Variants in SCN9A observed in about 807,000 individuals in gnomAD.
SCN9A encodes the protein sodium channel protein type 9 subunit alpha.
In SCN9A, 131 loss-of-function variants were observed where a neutral mutation model predicts 187.0. The observed-to-expected ratio is 0.70, with a 90% confidence interval of 0.61 to 0.81. The LOEUF (loss-of-function observed/expected upper bound fraction) is 0.81. Among genes scored for constraint, SCN9A ranks in the 30% least tolerant of loss-of-function variants. The pLI, the probability that SCN9A is intolerant of heterozygous loss-of-function variation, is 0.00. For synonymous variants in SCN9A, 809 were observed against 808.6 expected, an observed-to-expected ratio of 1.00 and a Z score of -0.01; for missense variants, 2,252 against 2,396.6, an observed-to-expected ratio of 0.94 and a Z score of 1.26.
chr2:166,322,748 G>A (rs760244093), intron 1 of SCN9A, among the ~76,000 whole-genome samples: 2 of 152,144 alleles, frequency 1.3e-5, no homozygotes, highest in Non-Finnish European at 2.9e-5. Context: ...TTTCATATGA[G>A]CATGTAATAT....
At chr2:166,276,394 A>G (rs1697237377) in intron 16 of SCN9A, 1 of 152,194 alleles carries the variant, frequency 6.6e-6, no homozygotes, top group Non-Finnish European at 1.5e-5. Flanking sequence ...CCTATGTTTG[A>G]ATAAAGTTTA....
intron 17 of SCN9A, among the ~76,000 whole-genome samples, chr2:166,271,525 C>A (rs1164998550): frequency 1.3e-5 from 2 of 151,850 alleles, no homozygotes; most frequent in Non-Finnish European, 2.9e-5. Flanking sequence ...CTGGTTAGGG[C>A]CATAGTGTGA....
intron 1 of SCN9A, among the ~76,000 whole-genome samples, chr2:166,322,015 A>C (rs1699257666): frequency 6.6e-6 from 1 of 152,152 alleles, no homozygotes; most frequent in African/African-American, 2.4e-5. Flanking sequence ...CTTTCCTAGC[A>C]TTTATTTTAA....
At chr2:166,320,163 C>T (rs868619240) in intron 1 of SCN9A, among the ~76,000 whole-genome samples, 2 of 151,598 alleles carry the variant, frequency 1.3e-5, no homozygotes, top group Admixed American at 6.6e-5. Flanking sequence ...TTTAAAAAAG[C>T]GGGAAGTGAT....
Position 166,281,657 on chromosome 2 carries a change from G to A in SCN9A, c.2104+22C>T. The A allele has an allele frequency of 1.2e-6, 2 of 1,604,926 alleles. 1 individual carries two copies. Among genetic ancestry groups the A allele is most frequent in the South Asian group, 2.2e-5 (2 of 89,806 alleles). On this transcript the variant is annotated intron_variant, in intron 13 of 26. Transcript: ENST00000642356. ...TTAATTTTATTTAAGAATCTGTACA[G>A]TAAAAGAAGATTATTACATACCTTC...
intron 7 of SCN9A, among the ~76,000 whole-genome samples, chr2:166,299,207 TA>T (rs1265095103): frequency 1.4e-5 from 2 of 143,666 alleles, no homozygotes; most frequent in African/African-American, 3.0e-5. Flanking sequence ...AAAACCCATA[TA>T]TTTTTTTAAA....
chr2:166,203,153 A>C (rs914616373), intron 26 of SCN9A, among the ~76,000 whole-genome samples: 1 of 151,828 alleles, frequency 6.6e-6, no homozygotes, highest in African/African-American at 2.4e-5. Context: ...TTGATTTTAA[A>C]TGCTTACTCT....
chr2:166,230,038 A>C (rs1275429555), intron 21 of SCN9A, among the ~76,000 whole-genome samples: 1 of 152,182 alleles, frequency 6.6e-6, no homozygotes, highest in Admixed American at 6.5e-5. Flanking sequence ...TCTGACTACT[A>C]ATCAGATCAT....
intron 1 of SCN9A, among the ~76,000 whole-genome samples, chr2:166,367,686 C>T (rs1700452312): frequency 1.3e-5 from 2 of 152,140 alleles, no homozygotes; most frequent in Admixed American, 6.5e-5. Flanking sequence ...ACAAAATATG[C>T]GAATCATAGC....
intron 16 of SCN9A, among the ~76,000 whole-genome samples, chr2:166,273,892 G>A (rs544492198): frequency 1.1e-4 from 16 of 152,256 alleles, no homozygotes; most frequent in African/African-American, 3.9e-4. Context: ...TGAGATGTAA[G>A]TAAAGACAGC....
rs769001042 is a variant in SCN9A, at chr2:166,286,599, A to T, written c.1339T>A (p.Tyr447Asn). 2.5e-6 allele frequency: 4 copies of T among 1,568,642 alleles called. No homozygotes were observed. Among genetic ancestry groups the T allele is most frequent in the Non-Finnish European group, 3.4e-6 (4 of 1,162,000 alleles). The change falls in exon 11 of 27, where the codon TAT becomes AAT. Residue 447 changes from tyrosine (Y) to asparagine (N), a missense_variant. By Grantham distance (143) the Tyr-to-Asn change is moderately radical. Transcript: ENST00000642356. The part of the protein sequence containing the change: ...AEAIAAAAAE[Y>N]TSIRRSRIMG... ...ATTCTGCTTCTCCTAATACTTGTAT[A>T]TTCAGCCGCTGCCGCTGCAATTGCC...
At chr2:166,256,749 C>T (rs930449209) in intron 17 of SCN9A, among the ~76,000 whole-genome samples, 27 of 151,364 alleles carry the variant, frequency 1.8e-4, no homozygotes, top group Non-Finnish European at 3.5e-4. Context: ...AGTTCCATCA[C>T]AAGGTCAACA....
intron 17 of SCN9A, among the ~76,000 whole-genome samples, chr2:166,254,356 T>C (rs1325857445): frequency 1.3e-5 from 2 of 151,654 alleles, no homozygotes; most frequent in Non-Finnish European, 3.0e-5. Flanking sequence ...TAAATGTTTA[T>C]AAGCATGCTT....
chr2:166,279,784 G>C (rs1470620123), intron 14 of SCN9A, among the ~76,000 whole-genome samples: 1 of 151,818 alleles, frequency 6.6e-6, no homozygotes, highest in Non-Finnish European at 1.5e-5. Context: ...TATGATAAAT[G>C]AAATACAGTT....
chr2:166,358,709 A>G (rs1011943954), intron 1 of SCN9A, among the ~76,000 whole-genome samples: 2 of 152,116 alleles, frequency 1.3e-5, no homozygotes, highest in Admixed American at 1.3e-4. Context: ...TGTGTTTTAT[A>G]TTATCTTAGA....
intron 17 of SCN9A, among the ~76,000 whole-genome samples, chr2:166,263,783 C>T (rs776906590): frequency 4.0e-5 from 6 of 151,794 alleles, no homozygotes; most frequent in East Asian, 3.9e-4. Flanking sequence ...AAGAAAAGAC[C>T]GAGACACACA....
chr2:166,288,974 T>C (rs923462490), intron 9 of SCN9A, among the ~76,000 whole-genome samples: 6 of 152,112 alleles, frequency 3.9e-5, no homozygotes, highest in Non-Finnish European at 8.8e-5. Context: ...ACAGGTGATA[T>C]CCATAGTCCC....
chr2:166,372,146 C>T (rs1262253565), intron 1 of SCN9A, among the ~76,000 whole-genome samples: 1 of 151,962 alleles, frequency 6.6e-6, no homozygotes, highest in African/African-American at 2.4e-5. Context: ...GAAAATGACA[C>T]AATCATTTAT....
Position 166,311,780 on chromosome 2 carries a change from T to G in SCN9A, c.-24A>C. ...ATCTTTTCATCCTGTATATTTTAAT[T>G]CCTCTTCAGCTCCTCACATAAGAGG... On this transcript the variant is annotated 5_prime_UTR_variant, in exon 2 of 27. Coordinates refer to ENST00000642356, the MANE Select transcript of SCN9A (RefSeq NM_001365536.1). 6.4e-7 allele frequency: 1 copy of G among 1,565,308 alleles called. No individual in the cohort carries two copies. Among genetic ancestry groups the G allele is most frequent in the Non-Finnish European group, 8.7e-7 (1 of 1,151,896 alleles).
Sources: gnomAD v4.1 joint callset for allele counts (sites outside exome capture counted in the v4.1 genomes callset) on GRCh38, gnomAD v4.1.1 for gene constraint, MANE v1.5 for transcripts, NCBI Gene and HGNC (gene_info 2026-07-23, HGNC 2026-07-21) for gene names.